Variants in CD109 observed in about 807,000 individuals in gnomAD.
CD109 encodes CD109 antigen.
A neutral mutation model predicts 165.8 loss-of-function variants in CD109; 149 were observed. The observed-to-expected ratio is 0.90, with a 90% CI of 0.79 to 1.03. The LOEUF (loss-of-function observed/expected upper bound fraction) is 1.03, where lower values mean the gene tolerates loss of function less well. Ranked by LOEUF, CD109 falls within the 50% of genes least tolerant of loss-of-function variation. The probability of loss-of-function intolerance (pLI) is 0.00; values close to 1 mark genes in which losing one functional copy is unlikely to be tolerated. For missense variants in CD109, 1,712 were observed against 1,677.8 expected, an observed-to-expected ratio of 1.02 and a Z score of -0.36; for synonymous variants, 585 against 592.1, an observed-to-expected ratio of 0.99 and a Z score of 0.18.
At chr6:73,706,462 T>C (rs988833547) in intron 2 of CD109, among the ~76,000 whole-genome samples, 5 of 152,232 alleles carry the variant, frequency 3.3e-5, no homozygotes, top group Non-Finnish European at 7.3e-5. Flanking sequence ...GTGGAGTTAC[T>C]TTATTACTGC....
At position 73,763,640 on chromosome 6, in the gene CD109, T is replaced by G; in HGVS notation, c.1062T>G (p.Phe354Leu). The G allele has an allele frequency of 6.3e-7, 1 of 1,595,906 alleles. No homozygotes were observed. Among genetic ancestry groups the G allele is most frequent in the South Asian group, 1.2e-5 (1 of 86,656 alleles). The change falls in exon 10 of 33, where the codon TTT becomes TTG. Residue 354 changes from phenylalanine (F) to leucine (L), a missense_variant. By Grantham distance (22) the Phe-to-Leu change is conservative. Coordinates refer to ENST00000287097, the MANE Select transcript of CD109 (RefSeq NM_133493.5). ...AACATGATTACATCATTGAGTTTTT[T>G]GATTATACTACTGTCTTGAAGCCAT... ...FKQHDYIIEF[F>L]DYTTVLKPSL... is the part of the protein sequence containing the mutation.
intron 2 of CD109, among the ~76,000 whole-genome samples, chr6:73,703,678 T>TA (rs1054820588): frequency 4.0e-5 from 6 of 151,684 alleles, no homozygotes; most frequent in African/African-American, 1.5e-4. Flanking sequence ...CTAAGGAGTT[T>TA]AAAAATGCTT....
chr6:73,685,584 G>A, the CD109 span, among the ~76,000 whole-genome samples: 1 of 152,144 alleles, frequency 6.6e-6, no homozygotes, highest in South Asian at 2.1e-4. Flanking sequence ...AGTTTTTGGG[G>A]TACAGGCGGT....
chr6:73,729,955 G>T (rs1004836202), intron 3 of CD109, among the ~76,000 whole-genome samples: 1 of 152,216 alleles, frequency 6.6e-6, no homozygotes, highest in African/African-American at 2.4e-5. Context: ...CAAATTTTGT[G>T]CAGAAGAGCC....
At chr6:73,800,347 C>T (rs1775320006) in intron 23 of CD109, among the ~76,000 whole-genome samples, 1 of 152,102 alleles carries the variant, frequency 6.6e-6, no homozygotes, top group African/African-American at 2.4e-5. Context: ...CAATCAGTCT[C>T]CAGTTTTGGG....
At chr6:73,781,624 A>G (rs1774503393) in intron 17 of CD109, among the ~76,000 whole-genome samples, 1 of 152,096 alleles carries the variant, frequency 6.6e-6, no homozygotes, top group African/African-American at 2.4e-5. Flanking sequence ...TGTATCACAA[A>G]CTGTCCTATT....
chr6:73,710,470 A>G (rs1204587038), intron 2 of CD109, among the ~76,000 whole-genome samples: 1 of 152,246 alleles, frequency 6.6e-6, no homozygotes, highest in African/African-American at 2.4e-5. Flanking sequence ...AGAACATTCC[A>G]TGCTCATGGG....
intron 24 of CD109, among the ~76,000 whole-genome samples, chr6:73,804,432 G>A (rs992414496): frequency 1.3e-5 from 2 of 152,190 alleles, no homozygotes; most frequent in East Asian, 3.8e-4. Flanking sequence ...TTTGGGCCAC[G>A]TAGAGTCTCC....
At position 73,827,457 on chromosome 6, in the gene CD109, A is replaced by G. The variant is rs955574787; in HGVS notation, c.*3824A>G. 1.3e-5 allele frequency: 2 copies of G among 152,024 alleles called. No homozygotes were observed. The highest frequency in any genetic ancestry group is 6.6e-5 in the Admixed American group (1 of 15,250). 9.4% of individuals were successfully genotyped at this position (152,024 alleles called of 1,614,324 possible). ...ACTTTTAAGAAATTAGAATTTTTCT[A>G]TCATCTATGCAAATGATATTTATGT... On this transcript the variant is annotated 3_prime_UTR_variant, in exon 33 of 33. Coordinates refer to ENST00000287097, the MANE Select transcript of CD109 (RefSeq NM_133493.5).
intron 22 of CD109, among the ~76,000 whole-genome samples, chr6:73,791,607 C>T (rs183243956): frequency 7.2e-5 from 11 of 152,112 alleles, no homozygotes; most frequent in Admixed American, 1.3e-4. Context: ...ATGTAAAGAA[C>T]GGATTTTCAA....
At chr6:73,823,317 A>T (rs1378672518) in intron 32 of CD109, 141 bp from the exon 33 acceptor site, 1 of 650,688 alleles carries the variant, frequency 1.5e-6, no homozygotes, top group African/African-American at 1.8e-5. Context: ...TGGACATTTC[A>T]GTTGTTTCTT....
chr6:73,752,309 A>G (rs1395765842), intron 5 of CD109, among the ~76,000 whole-genome samples: 1 of 152,208 alleles, frequency 6.6e-6, no homozygotes, highest in Non-Finnish European at 1.5e-5. Context: ...GTTGGATGGC[A>G]TCATGGTTAG....
chr6:73,809,760 TTGTAA>T (rs1312451176), intron 26 of CD109, among the ~76,000 whole-genome samples: 1 of 152,146 alleles, frequency 6.6e-6, no homozygotes, highest in Non-Finnish European at 1.5e-5. Context: ...TATACTTAAC[TTGTAA>T]TAGTTTAAAA....
intron 5 of CD109, among the ~76,000 whole-genome samples, chr6:73,738,996 C>T (rs1316228869): frequency 6.6e-6 from 1 of 152,154 alleles, no homozygotes; most frequent in East Asian, 1.9e-4. Context: ...TAGACAGTAG[C>T]CTTTGTAAAG....
rs1771923295 is a variant in CD109 at position 73,720,795 on chromosome 6, G to A, written c.248-2456G>A. Among the ~76,000 whole-genome samples the A allele has an allele frequency of 2.6e-5, 4 of 152,304 alleles. 1 individual carries two copies. The South Asian group carries it at 8.3e-4, about 32-fold the overall frequency. The stretch of plus-strand genomic sequence containing the variant: ...TAACAGCGTCAACTGGGATAATCCT[G>A]GTGAGGCCTCATCTTGTCCAAAGAC... On this transcript the variant is annotated intron_variant, in intron 2 of 32. Coordinates refer to ENST00000287097, the MANE Select transcript of CD109 (RefSeq NM_133493.5).
chr6:73,748,494 C>T (rs1204506279), intron 5 of CD109, among the ~76,000 whole-genome samples: 1 of 152,216 alleles, frequency 6.6e-6, no homozygotes, highest in Non-Finnish European at 1.5e-5. Context: ...TACATACTCA[C>T]ATATGTGGTT....
intron 17 of CD109, among the ~76,000 whole-genome samples, chr6:73,781,776 CAGACACACACACACACACAGAGACAT>C (rs1774512282): frequency 6.9e-6 from 1 of 144,632 alleles, no homozygotes; most frequent in African/African-American, 2.6e-5. Context: ...CACACAGACA[CAGACACACACACACACACAGAGACAT>C]AGACACACAC....
chr6:73,720,019 T>C (rs1214718593), intron 2 of CD109, among the ~76,000 whole-genome samples: 3 of 152,132 alleles, frequency 2.0e-5, no homozygotes, highest in Non-Finnish European at 4.4e-5. Flanking sequence ...ATGAAATCAG[T>C]ATGTTGAAGA....
chr6:73,763,219 A>G (rs1292588698), intron 9 of CD109, among the ~76,000 whole-genome samples: 3 of 152,164 alleles, frequency 2.0e-5, no homozygotes, highest in Non-Finnish European at 2.9e-5. Context: ...CTGTTCCTAG[A>G]CAGTTTTCAC....
Sources: allele counts gnomAD v4.1 joint callset (sites outside exome capture counted in the v4.1 genomes callset), GRCh38; gene constraint gnomAD v4.1.1; transcripts MANE v1.5; gene names NCBI Gene and HGNC (gene_info 2026-07-23, HGNC 2026-07-21).